ZPLD1: variants seen among roughly 807,000 people sequenced by gnomAD.
The protein encoded by ZPLD1 is zona pellucida like domain containing 1.
Under a neutral mutation model 47.2 loss-of-function variants are expected in ZPLD1, and 34 were observed. The ratio of observed to expected loss-of-function variants is 0.72; its 90% CI spans 0.55 to 0.96. The LOEUF (loss-of-function observed/expected upper bound fraction) is 0.96. ZPLD1 is among the 40% of genes least tolerant of loss of function. The pLI, the probability that ZPLD1 is intolerant of heterozygous loss-of-function variation, is 0.00. For synonymous variants in ZPLD1, 176 were observed against 186.2 expected, an observed-to-expected ratio of 0.95 and a Z score of 0.45; for missense variants, 512 against 505.8, an observed-to-expected ratio of 1.01 and a Z score of -0.12.
At position 102,477,777 on chromosome 3, in the gene ZPLD1, G is replaced by A; in HGVS notation, c.*159G>A. 1 of 630,358 alleles carries A rather than the reference G, an allele frequency of 1.6e-6. No individual in the cohort carries two copies. Among genetic ancestry groups the A allele is most frequent in the South Asian group, 3.5e-5 (1 of 28,706 alleles). The allele number at this position is 630,358 out of a possible 1,614,324, so 39.0% of individuals were successfully genotyped here. On this transcript the variant is annotated 3_prime_UTR_variant, in exon 12 of 12. Transcript: ENST00000466937. ...TGTCAGCATAATGATAGTGAAAGAA[G>A]TTTATTATATTGCTATTGTCACTTA...
chr3:102,469,496 G>C (rs190626619), intron 9 of ZPLD1, among the ~76,000 whole-genome samples: 4 of 152,316 alleles, frequency 2.6e-5, no homozygotes, highest in Non-Finnish European at 5.9e-5. Flanking sequence ...AGCAGGAGAG[G>C]TTGAGAGGAT....
chr3:102,440,731 GA>G (rs77649810), intron 3 of ZPLD1, among the ~76,000 whole-genome samples: 11,429 of 112,786 alleles, frequency 0.1, 641 homozygotes, highest in African/African-American at 0.2. Flanking sequence ...TTGTGATTGG[GA>G]AAAAAAAAAA....
Position 102,419,611 on chromosome 3 carries a change from T to C in ZPLD1, c.-9+1404T>C, listed in dbSNP as rs1706852175. 1.3e-5 allele frequency among the ~76,000 whole-genome samples: 2 copies of C among 151,536 alleles called. 1 individual carries two copies. The highest frequency in any genetic ancestry group is 4.1e-4 in the South Asian group (2 of 4,820). Reference sequence around the variant, plus strand: ...CTTTTCCCCTTAAAAGGGCCTATAATAATGCAGAGGTAATAAACGACTGAT... The same window carrying C: ...CTTTTCCCCTTAAAAGGGCCTATAACAATGCAGAGGTAATAAACGACTGAT... On this transcript the variant is annotated intron_variant, in intron 8 of 17. Coordinates refer to the ZPLD1 transcript ENST00000491959.
rs184479652 is a variant in ZPLD1 at position 102,469,552 on chromosome 3, C to T, written c.933+417C>T. 7.9e-5 allele frequency among the ~76,000 whole-genome samples: 12 copies of T among 152,204 alleles called. No individual in the cohort carries two copies. In the East Asian group the frequency reaches 2.3e-3, roughly 29 times the overall value. On this transcript the variant is annotated intron_variant, in intron 9 of 11. Transcript: ENST00000466937. ...TGTTACTTCGAAGAGGACTGAACCCCAGAGAACCAAAATCAAGAGTGTGAG... is the reference window on the plus strand; with the variant it reads ...TGTTACTTCGAAGAGGACTGAACCCTAGAGAACCAAAATCAAGAGTGTGAG...
chr3:102,390,431 G>A (rs2107283566), intron 6 of ZPLD1, among the ~76,000 whole-genome samples: 1 of 152,210 alleles, frequency 6.6e-6, no homozygotes, highest in South Asian at 2.1e-4. Context: ...GAGAAATAGG[G>A]CATATGTGCT....
Position 102,478,625 on chromosome 3 carries a change from A to G in ZPLD1, c.*1007A>G, listed in dbSNP as rs1309889434. 2 of 152,202 alleles carry G rather than the reference A, an allele frequency of 1.3e-5. No individual in the cohort carries two copies. Among genetic ancestry groups the G allele is most frequent in the African/African-American group, 4.8e-5 (2 of 41,460 alleles). 9.4% of individuals were successfully genotyped at this position (152,202 alleles called of 1,614,324 possible). ...CCCATATTTTCGATGCCAGGCAATA[A>G]TCAGGAGAGGGTTTCTTTTTAAGGT... On this transcript the variant is annotated 3_prime_UTR_variant, in exon 12 of 12. Transcript: ENST00000466937.
intron 6 of ZPLD1, among the ~76,000 whole-genome samples, chr3:102,389,826 G>A (rs1706475343): frequency 6.6e-6 from 1 of 152,156 alleles, no homozygotes; most frequent in African/African-American, 2.4e-5. Context: ...ATTAGCTAAT[G>A]CAACAGAGAG....
At chr3:102,417,014 T>G (rs1706816561) in intron 7 of ZPLD1, among the ~76,000 whole-genome samples, 1 of 151,776 alleles carries the variant, frequency 6.6e-6, no homozygotes, top group South Asian at 2.1e-4. Flanking sequence ...GGGGGTTGAC[T>G]AGAAATTTTA....
At chr3:102,449,341 T>C (rs1707302957) in intron 3 of ZPLD1, among the ~76,000 whole-genome samples, 1 of 152,278 alleles carries the variant, frequency 6.6e-6, no homozygotes, top group Admixed American at 6.5e-5. Context: ...GTCACGCTAA[T>C]GTGTCTGTCT....
intron 8 of ZPLD1, among the ~76,000 whole-genome samples, chr3:102,422,018 A>C (rs1706885446): frequency 2.6e-5 from 4 of 152,072 alleles, no homozygotes; most frequent in African/African-American, 9.7e-5. Context: ...GAAATTGAAA[A>C]GTTTAATTAG....
rs1351244386 is a variant in ZPLD1, at chr3:102,479,400, T to G, written c.*1782T>G. Reference sequence around the variant, plus strand: ...AGTGAATTGCCATTGATTCTACGATTAAGTTCTGTGAATAGGACATTATAT... The same window carrying G: ...AGTGAATTGCCATTGATTCTACGATGAAGTTCTGTGAATAGGACATTATAT... On this transcript the variant is annotated 3_prime_UTR_variant, in exon 12 of 12. Transcript: ENST00000466937. The G allele has an allele frequency of 6.6e-6, 1 of 152,202 alleles. No homozygotes were observed. The highest frequency in any genetic ancestry group is 1.5e-5 in the Non-Finnish European group (1 of 68,016). 9.4% of individuals were successfully genotyped at this position (152,202 alleles called of 1,614,324 possible). A position where few individuals can be genotyped will look rare whatever the true frequency, so the allele number is the denominator to read the frequency against.
At chr3:102,448,195 A>G (rs1303110142) in intron 3 of ZPLD1, among the ~76,000 whole-genome samples, 1 of 152,222 alleles carries the variant, frequency 6.6e-6, no homozygotes. Flanking sequence ...CTGTTTTGGC[A>G]ATGTAACTGC....
intron 6 of ZPLD1, among the ~76,000 whole-genome samples, chr3:102,388,523 G>A (rs1259369219): frequency 6.6e-6 from 1 of 151,030 alleles, no homozygotes; most frequent in Non-Finnish European, 1.5e-5. Flanking sequence ...TTATCTCTGA[G>A]GATGTTATTT....
chr3:102,399,708 G>A (rs1056328635), intron 7 of ZPLD1, among the ~76,000 whole-genome samples: 2 of 151,986 alleles, frequency 1.3e-5, no homozygotes, highest in Non-Finnish European at 2.9e-5. Flanking sequence ...TAATATACTC[G>A]AGGGAAATTG....
At chr3:102,468,858 C>G (rs140795920) in intron 8 of ZPLD1, 106 bp from the exon 9 acceptor site, 1 of 1,057,052 alleles carries the variant, frequency 9.5e-7, no homozygotes, top group Non-Finnish European at 1.4e-6. Flanking sequence ...GTTCTGTTAG[C>G]TCTTAATGTA....
intron 7 of ZPLD1, among the ~76,000 whole-genome samples, chr3:102,417,678 A>G (rs1264474168): frequency 6.6e-6 from 1 of 151,956 alleles, no homozygotes; most frequent in Non-Finnish European, 1.5e-5. Context: ...GAAATGTAGT[A>G]TTGAAAGGGC....
intron 7 of ZPLD1, among the ~76,000 whole-genome samples, chr3:102,396,925 G>A (rs1357369108): frequency 7.2e-5 from 11 of 152,132 alleles, no homozygotes; most frequent in Admixed American, 3.9e-4. Flanking sequence ...ACCATGCCTC[G>A]GTATCCTCAT....
intron 10 of ZPLD1, among the ~76,000 whole-genome samples, chr3:102,474,423 C>T (rs529610645): frequency 2.5e-4 from 38 of 152,196 alleles, no homozygotes; most frequent in South Asian, 6.2e-4. Flanking sequence ...GACTGGCACT[C>T]GTCTAGGAAC....
chr3:102,457,724 G>T, intron 5 of ZPLD1, 57 bp from the exon 6 acceptor site: 1 of 1,482,230 alleles, frequency 6.7e-7, no homozygotes, highest in Non-Finnish European at 9.4e-7. Flanking sequence ...TAACATCTAG[G>T]TATCACTTTT....
Sources: gnomAD v4.1 joint callset for allele counts (sites outside exome capture counted in the v4.1 genomes callset) on GRCh38, gnomAD v4.1.1 for gene constraint, MANE v1.5 for transcripts, NCBI Gene and HGNC (gene_info 2026-07-23, HGNC 2026-07-21) for gene names.